The following ANXA7 variants were observed in gnomAD, a reference collection of about 807,000 sequenced individuals.
ANXA7 encodes annexin A7, also known as annexin VII.
ANXA7 carries 55 observed loss-of-function variants against 64.9 expected under a neutral mutation model. The observed-to-expected ratio is 0.85, with a 90% confidence interval of 0.68 to 1.06. The LOEUF is 1.06. ANXA7 is among the 50% of genes least tolerant of loss of function. ANXA7 has a pLI of 0.00. For missense variants in ANXA7, 548 were observed against 582.1 expected (o/e 0.94, Z 0.60); for synonymous variants, 200 against 192.4 (o/e 1.04, Z -0.33).
intron 1 of ANXA7, among the ~76,000 whole-genome samples, chr10:73,405,412 T>C (rs192767477): frequency 2.2e-3 from 330 of 151,568 alleles, no homozygotes; most frequent in Middle Eastern, 6.8e-3. Context: ...CGTGGTGGCA[T>C]GTGCCTGTAA....
intron 5 of ANXA7, among the ~76,000 whole-genome samples, chr10:73,395,581 C>T (rs1026818941): frequency 1.3e-5 from 2 of 152,002 alleles, no homozygotes; most frequent in East Asian, 1.9e-4. Flanking sequence ...GTCAAGAGTT[C>T]GAGACCAGCC....
At chr10:73,400,388 TA>T (rs2055642024) in intron 2 of ANXA7, among the ~76,000 whole-genome samples, 1 of 151,880 alleles carries the variant, frequency 6.6e-6, no homozygotes, top group African/African-American at 2.4e-5. Flanking sequence ...TCAAGGGCAT[TA>T]AAAAAAAGAA....
chr10:73,381,982 G>A (rs1468487188), intron 9 of ANXA7, among the ~76,000 whole-genome samples: 7 of 151,766 alleles, frequency 4.6e-5, no homozygotes, highest in Non-Finnish European at 1.0e-4. Context: ...GGGTTCAAGC[G>A]ATTCTGCTGC....
At chr10:73,401,917 T>C (rs1159046459) in intron 1 of ANXA7, among the ~76,000 whole-genome samples, 4 of 152,242 alleles carry the variant, frequency 2.6e-5, no homozygotes, top group African/African-American at 7.2e-5. Flanking sequence ...AGCCAATTTT[T>C]AATTCCATTT....
chr10:73,402,829 CTTTTTT>C (rs113465435), intron 1 of ANXA7, among the ~76,000 whole-genome samples: 69 of 144,708 alleles, frequency 4.8e-4, no homozygotes, highest in African/African-American at 1.7e-3. Flanking sequence ...AACTCTGTTT[CTTTTTT>C]TTTTTTTGAG....
At chr10:73,387,601 G>T in intron 7 of ANXA7, 88 bp downstream of exon 7, 1 of 995,144 alleles carries the variant, frequency 1.0e-6, no homozygotes, top group Non-Finnish European at 1.6e-6. Context: ...TGCACCACAG[G>T]TACTAATCAA....
rs151181850 is a variant in ANXA7, at chr10:73,403,879, C to A, written c.-1-3022G>T. 6.3e-3 allele frequency among the ~76,000 whole-genome samples: 965 copies of A among 152,296 alleles called. 4 individuals carry two copies. Among genetic ancestry groups the A allele is most frequent in the South Asian group, 0.018 (87 of 4,830 alleles). On this transcript the variant is annotated intron_variant, in intron 1 of 12. Coordinates refer to ENST00000372921, the MANE Select transcript of ANXA7 (RefSeq NM_001156.5). ...TAGCCTTTTTAGGCCTTCATTTCTTCATCTATAAAATGGGACGTGAACGTA... is the reference window on the plus strand; with the variant it reads ...TAGCCTTTTTAGGCCTTCATTTCTTAATCTATAAAATGGGACGTGAACGTA...
At chr10:73,378,377 CAAAAAAAAAAAA>C (rs755093944) in intron 12 of ANXA7, among the ~76,000 whole-genome samples, 1 of 63,146 alleles carries the variant, frequency 1.6e-5, no homozygotes, top group Non-Finnish European at 3.7e-5. Context: ...GACCATGTCT[CAAAAAAAAAAAA>C]AAAAAAAAAA....
intron 7 of ANXA7, 117 bp from the exon 8 acceptor site, chr10:73,383,807 A>G (rs900187565): frequency 6.9e-6 from 5 of 719,588 alleles, no homozygotes; most frequent in Admixed American, 2.5e-5. Context: ...TAAATTTGAA[A>G]GCTGAATGTT....
At chr10:73,389,819 C>A (rs1226742877) in intron 5 of ANXA7, among the ~76,000 whole-genome samples, 2 of 152,062 alleles carry the variant, frequency 1.3e-5, no homozygotes, top group Non-Finnish European at 2.9e-5. Context: ...AGACGGGGGT[C>A]TTGCTATGTT....
chr10:73,386,512 G>C (rs1005619863), intron 7 of ANXA7, among the ~76,000 whole-genome samples: 7 of 152,004 alleles, frequency 4.6e-5, no homozygotes, highest in African/African-American at 1.7e-4. Context: ...ATTCTGTCCA[G>C]ACTAATGAAA....
intron 1 of ANXA7, among the ~76,000 whole-genome samples, chr10:73,412,096 G>A (rs1415030548): frequency 6.6e-6 from 1 of 152,132 alleles, no homozygotes; most frequent in African/African-American, 2.4e-5. Context: ...GAGTGCAGTG[G>A]CACGATCTCA....
intron 1 of ANXA7, among the ~76,000 whole-genome samples, chr10:73,411,043 T>A (rs973233659): frequency 6.6e-6 from 1 of 152,114 alleles, no homozygotes; most frequent in Admixed American, 6.6e-5. Flanking sequence ...GTGGAACCAA[T>A]CTAAGTGCCC....
At chr10:73,402,970 G>A (rs1171014617) in intron 1 of ANXA7, among the ~76,000 whole-genome samples, 8 of 152,152 alleles carry the variant, frequency 5.3e-5, no homozygotes, top group African/African-American at 1.9e-4. Flanking sequence ...GATTACAGGT[G>A]CCTGCCACCG....
chr10:73,379,863 C>G lies in ANXA7; in HGVS notation c.1165+16G>C, dbSNP rs1337549200. 2 of 1,611,996 alleles carry G rather than the reference C, an allele frequency of 1.2e-6. No homozygotes were observed. The highest frequency in any genetic ancestry group is 2.2e-5 in the South Asian group (2 of 90,938). On this transcript the variant is annotated intron_variant, in intron 11 of 12. Coordinates refer to ENST00000372921, the MANE Select transcript of ANXA7 (RefSeq NM_001156.5). Reference sequence around the variant, plus strand: ...CATTTAAAAAGAAAATAAAGCAAAGCACAAAAATATCTTACAGATGGTCTT... The same window carrying G: ...CATTTAAAAAGAAAATAAAGCAAAGGACAAAAATATCTTACAGATGGTCTT...
chr10:73,376,885 T>C (rs1487602852), intron 12 of ANXA7, among the ~76,000 whole-genome samples: 2 of 152,164 alleles, frequency 1.3e-5, no homozygotes, highest in Non-Finnish European at 2.9e-5. Context: ...TTGAGGACGC[T>C]ATGCTAAGTA....
In ANXA7 at chr10:73,387,702, G is replaced by T; in HGVS notation, c.620C>A (p.Thr207Asn). The T allele has an allele frequency of 6.2e-7, 1 of 1,613,844 alleles. No homozygotes were observed. The highest frequency in any genetic ancestry group is 8.5e-7 in the Non-Finnish European group (1 of 1,179,742). Residue 207 changes from threonine to asparagine, a missense_variant, in exon 7 of 13, where the codon ACC becomes AAC. Physicochemically the swap from Thr to Asn is moderately conservative, Grantham distance 65. Coordinates refer to ENST00000372921, the MANE Select transcript of ANXA7 (RefSeq NM_001156.5). ...AGAAAAACATACCTTGCCATAGGAG[G>T]TCTTAAATGCTGCTTTAATTTTTTG... ...QRQKIKAAFK[T>N]SYGKDLIKDL...
rs758968542 is a variant in ANXA7 at position 73,379,042 on chromosome 10, T to C, written c.1166-19A>G. The C allele has an allele frequency of 1.1e-5, 17 of 1,550,958 alleles. No homozygotes were observed. In the East Asian group the frequency reaches 1.6e-4, roughly 14 times the overall value. On this transcript the variant is annotated intron_variant, in intron 11 of 12. Coordinates refer to ENST00000372921, the MANE Select transcript of ANXA7 (RefSeq NM_001156.5). The stretch of plus-strand genomic sequence containing the variant: ...CACTGCACTGCAAGTTAGAGATGGT[T>C]GAGACATGGAATCATGATCTCACAA...
chr10:73,402,716 T>A (rs2055686319), intron 1 of ANXA7, among the ~76,000 whole-genome samples: 3 of 152,214 alleles, frequency 2.0e-5, no homozygotes, highest in African/African-American at 7.2e-5. Context: ...CCTTACTATC[T>A]CCTACATATG....
Sources: allele counts gnomAD v4.1 joint callset (sites outside exome capture counted in the v4.1 genomes callset), GRCh38; gene constraint gnomAD v4.1.1; transcripts MANE v1.5; gene names NCBI Gene and HGNC (gene_info 2026-07-23, HGNC 2026-07-21).